ARHGEF10: variants seen among roughly 807,000 people sequenced by gnomAD.
ARHGEF10 encodes the protein Rho guanine nucleotide exchange factor 10.
ARHGEF10 carries 140 observed loss-of-function variants against 147.4 expected under a neutral mutation model. That is an observed-to-expected ratio of 0.95 (90% CI 0.83 to 1.09). The LOEUF is 1.09. ARHGEF10 is among the 50% of genes least tolerant of loss of function. ARHGEF10 has a pLI of 0.00. For synonymous variants in ARHGEF10, 902 were observed against 695.8 expected (o/e 1.30, Z -4.67); for missense variants, 2,222 against 1,752.7 (o/e 1.27, Z -4.78).
chr8:1,879,959 G>A (rs1264530775), intron 8 of ARHGEF10, 89 bp from the exon 9 acceptor site: 121 of 935,440 alleles, frequency 1.3e-4, no homozygotes, highest in South Asian at 1.3e-3. Context: ...TGCCACTGCA[G>A]ACGCTGCCAG....
intron 18 of ARHGEF10, among the ~76,000 whole-genome samples, chr8:1,920,593 G>T (rs1812211560): frequency 6.6e-6 from 1 of 151,976 alleles, no homozygotes; most frequent in Non-Finnish European, 1.5e-5. Context: ...CTCCCAAAGT[G>T]CTGACATTAT....
intron 17 of ARHGEF10, 133 bp from the exon 18 acceptor site, chr8:1,909,162 T>C (rs1372890319): frequency 1.6e-6 from 2 of 1,275,978 alleles, no homozygotes; most frequent in East Asian, 4.6e-5. Flanking sequence ...GAAGCACAAT[T>C]ACTATTGTGA....
intron 25 of ARHGEF10, among the ~76,000 whole-genome samples, chr8:1,930,319 G>T (rs898968210): frequency 8.6e-5 from 13 of 151,734 alleles, no homozygotes; most frequent in Non-Finnish European, 1.3e-4. Context: ...ACTTGTTCTT[G>T]TACCCCGAGA....
Position 1,928,498 on chromosome 8 carries a change from T to C in ARHGEF10, c.2769T>C (p.Ile923=), listed in dbSNP as rs755845522. ...VSFQNSTPKV[I]ECFNVESRIL... is the part of the protein sequence containing the mutation. ...TTCAAAATTCCACTCCCAAAGTCAT[T>C]GAGTGCTTCAACGTGGAATCTCGCA... Residue 923 remains isoleucine, a synonymous_variant, in exon 24 of 29, where the codon ATT becomes ATC. Transcript: ENST00000349830. The C allele has an allele frequency of 3.7e-6, 6 of 1,614,124 alleles. No individual in the cohort carries two copies. The East Asian group carries it at 1.3e-4, about 36-fold the overall frequency.
Position 1,866,612 on chromosome 8 carries a change from C to G in ARHGEF10, c.622+10C>G, listed in dbSNP as rs1403765510. Reference sequence around the variant, plus strand: ...ACAGCCTGGATGGAGAGTAAGTTCCCCAGCTGCCCACAGCCAGAATCCTCA... The same window carrying G: ...ACAGCCTGGATGGAGAGTAAGTTCCGCAGCTGCCCACAGCCAGAATCCTCA... On this transcript the variant is annotated intron_variant, in intron 6 of 28. Coordinates refer to ENST00000349830, the MANE Select transcript of ARHGEF10 (RefSeq NM_014629.4). 6.2e-7 allele frequency: 1 copy of G among 1,602,830 alleles called. No homozygotes were observed. The highest frequency in any genetic ancestry group is 1.3e-5 in the African/African-American group (1 of 74,922).
chr8:1,918,461 T>C (rs1406412145), intron 18 of ARHGEF10, among the ~76,000 whole-genome samples: 1 of 4,698 alleles, frequency 2.1e-4, no homozygotes, highest in Non-Finnish European at 4.4e-4. Context: ...ATTTGATGGC[T>C]GTGTGTGTGT....
chr8:1,887,523 G>GGT (rs1364924101), intron 11 of ARHGEF10, among the ~76,000 whole-genome samples: 5 of 149,760 alleles, frequency 3.3e-5, no homozygotes, highest in African/African-American at 1.2e-4. Flanking sequence ...CCCTGAGTGG[G>GGT]GTGAGGGATA....
intron 18 of ARHGEF10, among the ~76,000 whole-genome samples, chr8:1,920,396 C>T (rs1812191966): frequency 6.6e-6 from 1 of 152,114 alleles, no homozygotes; most frequent in African/African-American, 2.4e-5. Flanking sequence ...AATTATAGCT[C>T]ACTGCAGCCT....
chr8:1,864,261 TA>T, intron 4 of ARHGEF10, 111 bp from the exon 5 acceptor site: 2 of 1,068,510 alleles, frequency 1.9e-6, no homozygotes, highest in Non-Finnish European at 2.9e-6. Flanking sequence ...TATGCTAAGA[TA>T]AGCCTCTGAT....
At chr8:1,867,628 C>A (rs768787983) in intron 6 of ARHGEF10, among the ~76,000 whole-genome samples, 2 of 152,192 alleles carry the variant, frequency 1.3e-5, no homozygotes, top group Non-Finnish European at 2.9e-5. Context: ...GAGCCAGCCC[C>A]CCTCCAGGTG....
rs774309439 is a variant in ARHGEF10, at chr8:1,926,342, T to A, written c.2611-35T>A. ...TAGTCTAGGAGCCTCTTAGCTCTGTTTTATATGTGAGCGTTTGATTTTATT... is the reference window on the plus strand; with the variant it reads ...TAGTCTAGGAGCCTCTTAGCTCTGTATTATATGTGAGCGTTTGATTTTATT... On this transcript the variant is annotated intron_variant, in intron 22 of 28. Coordinates refer to ENST00000349830, the MANE Select transcript of ARHGEF10 (RefSeq NM_014629.4). The A allele has an allele frequency of 5.7e-6, 9 of 1,570,184 alleles. No individual in the cohort carries two copies. The African/African-American group carries it at 9.5e-5, about 16-fold the overall frequency.
rs180749657 is a variant in ARHGEF10, at chr8:1,941,381, C to T, written c.3223-4100C>T. Among the ~76,000 whole-genome samples, 23 of 152,234 alleles carry T rather than the reference C, an allele frequency of 1.5e-4. No homozygotes were observed. The East Asian group carries it at 4.4e-3, about 29-fold the overall frequency. The stretch of plus-strand genomic sequence containing the variant: ...TATAATGCTGTCAGAAAGAAAAATA[C>T]TTGGAGAAATTTTTAATCAAAAAGT... On this transcript the variant is annotated intron_variant, in intron 26 of 28. Transcript: ENST00000349830.
At chr8:1,841,492 CAG>C (rs948060349) in intron 1 of ARHGEF10, among the ~76,000 whole-genome samples, 11 of 152,112 alleles carry the variant, frequency 7.2e-5, no homozygotes, top group African/African-American at 2.4e-4. Flanking sequence ...TGTTAAGCTA[CAG>C]AGTGTGTTAC....
intron 7 of ARHGEF10, among the ~76,000 whole-genome samples, chr8:1,873,843 G>T (rs1445007424): frequency 3.3e-5 from 5 of 150,700 alleles, no homozygotes. Context: ...TGTTACAGAG[G>T]CCACACAGGG....
At position 1,925,465 on chromosome 8, in the gene ARHGEF10, A is replaced by T. The variant is rs575250457; in HGVS notation, c.2610+61A>T. The T allele has an allele frequency of 6.0e-5, 97 of 1,603,958 alleles. No individual in the cohort carries two copies. The African/African-American group carries it at 9.9e-4, about 16-fold the overall frequency. On this transcript the variant is annotated intron_variant, in intron 22 of 28. Coordinates refer to ENST00000349830, the MANE Select transcript of ARHGEF10 (RefSeq NM_014629.4). The stretch of plus-strand genomic sequence containing the variant: ...CGCACCTCGCAGCTCTGAATGGGCC[A>T]CTTGGGAGATGATTCTTAAGGGGCG...
chr8:1,897,008 G>T (rs1038502859), intron 14 of ARHGEF10, among the ~76,000 whole-genome samples: 2 of 151,954 alleles, frequency 1.3e-5, no homozygotes, highest in Non-Finnish European at 1.5e-5. Flanking sequence ...TTCCCCAGTC[G>T]TGGGATGCGT....
In ARHGEF10 at chr8:1,956,933, T is replaced by A. The variant is rs141587375; in HGVS notation, c.3705T>A (p.Gly1235=). Residue 1235 remains glycine (G), a synonymous_variant, in exon 29 of 29, where the codon GGT becomes GGA. Transcript: ENST00000349830. ...SGGAGSSLSQ[G]DPDAAIWLGD... ...GAGCTGGTTCATCTCTGAGCCAGGGTGACCCTGACGCAGCCATCTGGTTGG... is the reference window on the plus strand; with the variant it reads ...GAGCTGGTTCATCTCTGAGCCAGGGAGACCCTGACGCAGCCATCTGGTTGG... 23 of 1,614,044 alleles carry A rather than the reference T, an allele frequency of 1.4e-5. No homozygotes were observed. Among genetic ancestry groups the A allele is most frequent in the Non-Finnish European group, 1.9e-5 (23 of 1,180,044 alleles).
At chr8:1,839,232 C>T (rs977234511) in intron 1 of ARHGEF10, among the ~76,000 whole-genome samples, 1 of 147,384 alleles carries the variant, frequency 6.8e-6, no homozygotes, top group Non-Finnish European at 1.5e-5. Context: ...GGTGTGGAAG[C>T]TGTCTGGTGT....
intron 13 of ARHGEF10, among the ~76,000 whole-genome samples, chr8:1,895,201 C>T (rs4592088): frequency 0.71 from 108,377 of 152,120 alleles, 39,637 homozygotes; most frequent in East Asian, 0.97. Flanking sequence ...GGTTTCTGCA[C>T]TGGCAGTTTC....
Sources: gnomAD v4.1 joint callset for allele counts (sites outside exome capture counted in the v4.1 genomes callset) on GRCh38, gnomAD v4.1.1 for gene constraint, MANE v1.5 for transcripts, NCBI Gene and HGNC (gene_info 2026-07-23, HGNC 2026-07-21) for gene names.